The following PLSCR2 variants were observed in gnomAD, a reference collection of about 807,000 sequenced individuals.
The protein encoded by PLSCR2 is PL scramblase 2.
In PLSCR2, 18 loss-of-function variants were observed where a neutral mutation model predicts 25.3. That is an observed-to-expected ratio of 0.71 (90% CI 0.49 to 1.06). PLSCR2 has a LOEUF of 1.06. PLSCR2 is among the 50% of genes least tolerant of loss of function. PLSCR2 has a pLI of 0.00. For missense variants in PLSCR2, 243 were observed against 269.5 expected (o/e 0.90, Z 0.69); for synonymous variants, 88 against 87.3 (o/e 1.01, Z -0.04).
chr3:146,416,019 T>C (rs34696856), intron 2 of PLSCR2, among the ~76,000 whole-genome samples: 87,814 of 151,888 alleles, frequency 0.58, 25,798 homozygotes, highest in South Asian at 0.76. Context: ...GGCGCGATCT[T>C]GACTCACTGC....
chr3:146,491,654 A>G (rs2043556245), intron 1 of PLSCR2, among the ~76,000 whole-genome samples: 2 of 152,168 alleles, frequency 1.3e-5, no homozygotes, highest in African/African-American at 4.8e-5. Context: ...TAATGCTTCC[A>G]ATTGCATTAT....
At chr3:146,489,872 G>T (rs1015957325) in intron 1 of PLSCR2, among the ~76,000 whole-genome samples, 2 of 151,992 alleles carry the variant, frequency 1.3e-5, no homozygotes, top group African/African-American at 2.4e-5. Context: ...TTTCCAGGGA[G>T]TATAATATGA....
At chr3:146,448,815 T>C (rs2040717514) in intron 6 of PLSCR2, among the ~76,000 whole-genome samples, 1 of 152,240 alleles carries the variant, frequency 6.6e-6, no homozygotes, top group African/African-American at 2.4e-5. Flanking sequence ...TATTGCACTT[T>C]ATAATCCCAT....
At chr3:146,414,351 A>T (rs2038948121) in intron 2 of PLSCR2, among the ~76,000 whole-genome samples, 2 of 152,328 alleles carry the variant, frequency 1.3e-5, no homozygotes, top group South Asian at 4.1e-4. Flanking sequence ...GCAATCCTGG[A>T]TCTGACTCTT....
In PLSCR2 at chr3:146,426,203, T is replaced by C. The variant is rs370784946; in HGVS notation, c.101-30282A>G. 2.4e-4 allele frequency among the ~76,000 whole-genome samples: 30 copies of C among 127,502 alleles called. No individual in the cohort carries two copies. The South Asian group carries it at 3.0e-3, about 13-fold the overall frequency. The allele number at this position is 127,502 out of a possible 152,430, so 83.6% of individuals were successfully genotyped here. ...CCTTCCTCCCTCCCTCCTTCCCTCC[T>C]TCCTTCCCTCCCTCCTTCCCTCCCT... On this transcript the variant is annotated intron_variant and NMD_transcript_variant, in intron 2 of 3. Transcript: ENST00000463633.
intron 2 of PLSCR2, among the ~76,000 whole-genome samples, chr3:146,404,213 T>G (rs534759813): frequency 8.5e-5 from 13 of 152,326 alleles, no homozygotes; most frequent in African/African-American, 3.1e-4. Flanking sequence ...TATATAGAAG[T>G]ACCTTGCCTT....
chr3:146,456,055 G>C (rs914365910), intron 3 of PLSCR2, among the ~76,000 whole-genome samples: 4 of 152,112 alleles, frequency 2.6e-5, no homozygotes, highest in Non-Finnish European at 5.9e-5. Context: ...GCAGTAATTT[G>C]AAAGTAAGAG....
In PLSCR2 at chr3:146,444,006, T is replaced by A. The variant is rs575625480; in HGVS notation, c.646-2185A>T. Among the ~76,000 whole-genome samples the A allele has an allele frequency of 6.6e-5, 10 of 152,162 alleles. No homozygotes were observed. In the East Asian group the frequency reaches 1.9e-3, roughly 29 times the overall value. On this transcript the variant is annotated intron_variant, in intron 6 of 6. Transcript: ENST00000610787. ...TAACCTGTTAATTTCCTTCTTGGTT[T>A]CTTCATTTACCCACTGGTAATTTAG...
At chr3:146,447,472 A>G in intron 6 of PLSCR2, among the ~76,000 whole-genome samples, 1 of 152,194 alleles carries the variant, frequency 6.6e-6, no homozygotes, top group East Asian at 1.9e-4. Flanking sequence ...TCTGGCCAGC[A>G]GTGTCTTTAG....
intron 3 of PLSCR2, among the ~76,000 whole-genome samples, chr3:146,458,037 T>A (rs1212522514): frequency 1.3e-5 from 2 of 152,160 alleles, no homozygotes; most frequent in Non-Finnish European, 2.9e-5. Context: ...AGATTACTTA[T>A]AATACACAAA....
At chr3:146,391,825 C>T (rs1438548457) in intron 3 of PLSCR2, among the ~76,000 whole-genome samples, 1 of 151,986 alleles carries the variant, frequency 6.6e-6, no homozygotes, top group Non-Finnish European at 1.5e-5. Flanking sequence ...CTAATTCTAC[C>T]TCATTTTACT....
chr3:146,398,851 C>T (rs1385346166), intron 2 of PLSCR2: 1 of 152,156 alleles, frequency 6.6e-6, no homozygotes, highest in Non-Finnish European at 1.5e-5. Context: ...TAATATTGAT[C>T]CAACTGGATA....
At chr3:146,410,412 G>T (rs2108036323) in intron 2 of PLSCR2, among the ~76,000 whole-genome samples, 2 of 152,292 alleles carry the variant, frequency 1.3e-5, no homozygotes, top group South Asian at 4.1e-4. Context: ...TTTAGAGGAG[G>T]TCCAATCACT....
intron 4 of PLSCR2, 125 bp from the exon 5 acceptor site, chr3:146,454,288 T>A: frequency 1.7e-6 from 1 of 573,848 alleles, no homozygotes; most frequent in Non-Finnish European, 2.9e-6. Flanking sequence ...TAGGACTTTT[T>A]TTTTAAAGAT....
intron 2 of PLSCR2, among the ~76,000 whole-genome samples, chr3:146,405,734 A>G (rs756227429): frequency 3.3e-5 from 5 of 152,204 alleles, no homozygotes; most frequent in South Asian, 4.1e-4. Context: ...TAGGATGGGG[A>G]GGGGTCTGGC....
intron 1 of PLSCR2, among the ~76,000 whole-genome samples, chr3:146,476,278 C>T (rs1335282358): frequency 6.6e-6 from 1 of 152,190 alleles, no homozygotes; most frequent in Admixed American, 6.5e-5. Context: ...ATCGCCTCAC[C>T]TGAGAGCCAC....
intron 2 of PLSCR2, among the ~76,000 whole-genome samples, chr3:146,426,131 A>AT (rs1483294056): frequency 6.6e-6 from 1 of 151,514 alleles, no homozygotes; most frequent in African/African-American, 2.4e-5. Flanking sequence ...GGAACATTCT[A>AT]TTTTTTCTCT....
In PLSCR2 at chr3:146,423,693, G is replaced by A. The variant is rs1411139401; in HGVS notation, c.101-27772C>T. Among the ~76,000 whole-genome samples, 9 of 152,154 alleles carry A rather than the reference G, an allele frequency of 5.9e-5. No individual in the cohort carries two copies. In the East Asian group the frequency reaches 1.2e-3, roughly 20 times the overall value. Reference sequence around the variant, plus strand: ...TCCTGCATTATTCAGGTGGACCAACGTAATTCCAAGCTTCCTTTAAATGTG... The same window carrying A: ...TCCTGCATTATTCAGGTGGACCAACATAATTCCAAGCTTCCTTTAAATGTG... On this transcript the variant is annotated intron_variant and NMD_transcript_variant, in intron 2 of 3. Transcript: ENST00000463633.
At chr3:146,465,395 A>G (rs976797685), upstream of PLSCR2, among the ~76,000 whole-genome samples, 14 of 152,060 alleles carry the variant, frequency 9.2e-5, no homozygotes, top group Non-Finnish European at 1.5e-5. Context: ...TTTTTGTTTT[A>G]CTGCTTTCAA....
Sources: allele counts gnomAD v4.1 joint callset (sites outside exome capture counted in the v4.1 genomes callset), GRCh38; gene constraint gnomAD v4.1.1; transcripts MANE v1.5; gene names NCBI Gene and HGNC (gene_info 2026-07-23, HGNC 2026-07-21).